Variants in SNTG1 observed in about 807,000 individuals in gnomAD.
SNTG1 encodes the protein gamma-1-syntrophin.
Under a neutral mutation model 74.7 loss-of-function variants are expected in SNTG1, and 39 were observed. The observed-to-expected ratio is 0.52, with a 90% CI of 0.40 to 0.68. SNTG1 has a LOEUF of 0.68. Among genes scored for constraint, SNTG1 ranks in the 30% least tolerant of loss-of-function variants. SNTG1 has a pLI of 0.00. For synonymous variants in SNTG1, 254 were observed against 217.1 expected, an observed-to-expected ratio of 1.17 and a Z score of -1.49; for missense variants, 685 against 609.5, an observed-to-expected ratio of 1.12 and a Z score of -1.30.
rs199839661 is a variant in SNTG1 at position 50,752,134 on chromosome 8, A to G, written c.1395+23A>G. The G allele has an allele frequency of 5.2e-5, 70 of 1,356,832 alleles. No individual in the cohort carries two copies. The East Asian group carries it at 1.8e-3, about 34-fold the overall frequency. 84.0% of individuals were successfully genotyped at this position (1,356,832 alleles called of 1,614,324 possible). A position where few individuals can be genotyped will look rare whatever the true frequency, so the allele number is the denominator to read the frequency against. On this transcript the variant is annotated intron_variant, in intron 18 of 18. Transcript: ENST00000642720. The stretch of plus-strand genomic sequence containing the variant: ...AAGGTAAACCCAAGAAATTCATCAC[A>G]TAACACCTCTAACTACATTAATGCC...
At chr8:50,377,796 A>C (rs989725285) in intron 2 of SNTG1, among the ~76,000 whole-genome samples, 50 of 152,226 alleles carry the variant, frequency 3.3e-4, no homozygotes, top group African/African-American at 1.2e-3. Context: ...ATGAGACTGC[A>C]GTTATTTTGA....
At chr8:50,184,056 G>T (rs1417260593) in intron 2 of SNTG1, among the ~76,000 whole-genome samples, 9 of 145,966 alleles carry the variant, frequency 6.2e-5, no homozygotes, top group Non-Finnish European at 1.2e-4. Flanking sequence ...ACCCGCTTAA[G>T]GACTCTGCTT....
intron 2 of SNTG1, among the ~76,000 whole-genome samples, chr8:50,277,457 A>G (rs1287093956): frequency 6.6e-6 from 1 of 152,184 alleles, no homozygotes; most frequent in Non-Finnish European, 1.5e-5. Context: ...AATATTTGGT[A>G]AATCATTAAA....
chr8:50,359,825 T>C (rs1040728177), intron 2 of SNTG1, among the ~76,000 whole-genome samples: 1 of 152,330 alleles, frequency 6.6e-6, no homozygotes, highest in Non-Finnish European at 1.5e-5. Flanking sequence ...TCTGTTTGCA[T>C]CTTTCAATAC....
At chr8:50,178,325 C>T (rs1189430929) in intron 2 of SNTG1, among the ~76,000 whole-genome samples, 1 of 151,608 alleles carries the variant, frequency 6.6e-6, no homozygotes, top group Non-Finnish European at 1.5e-5. Context: ...TCTTTCCATT[C>T]CTCTTTTTCT....
At chr8:50,771,372 G>T (rs1367485261) in intron 18 of SNTG1, among the ~76,000 whole-genome samples, 1 of 152,070 alleles carries the variant, frequency 6.6e-6, no homozygotes, top group East Asian at 1.9e-4. Flanking sequence ...GTATTTTGTG[G>T]AAGGTCAAAC....
intron 9 of SNTG1, among the ~76,000 whole-genome samples, chr8:50,507,458 C>A (rs774737178): frequency 6.6e-6 from 1 of 151,952 alleles, no homozygotes; most frequent in African/African-American, 2.4e-5. Flanking sequence ...TGGTCATGGG[C>A]CCTTCGTATT....
intron 2 of SNTG1, among the ~76,000 whole-genome samples, chr8:50,336,940 T>C (rs1005992328): frequency 6.6e-6 from 1 of 152,224 alleles, no homozygotes; most frequent in Non-Finnish European, 1.5e-5. Flanking sequence ...AATTTCAGCA[T>C]TATTAAAGAA....
chr8:50,564,117 C>T (rs1051116452), intron 12 of SNTG1, among the ~76,000 whole-genome samples: 5 of 133,576 alleles, frequency 3.7e-5, no homozygotes, highest in African/African-American at 7.4e-5. Flanking sequence ...TGTTGCAGTC[C>T]GTTTTTTTTT....
At position 50,061,086 on chromosome 8, in the gene SNTG1, C is replaced by A. The variant is rs375900676; in HGVS notation, c.-102-111475C>A. Among the ~76,000 whole-genome samples the A allele has an allele frequency of 4.2e-4, 64 of 152,096 alleles. 2 individuals carry two copies. Among genetic ancestry groups the A allele is most frequent in the African/African-American group, 1.5e-3 (64 of 41,544 alleles). On this transcript the variant is annotated intron_variant, in intron 1 of 18. Coordinates refer to ENST00000642720, the MANE Select transcript of SNTG1 (RefSeq NM_018967.5). Reference sequence around the variant, plus strand: ...AAAATGAGTTGGAAAATGATCTCTTCTTTAATTTTATGAAAGGGGCTGTGT... The same window carrying A: ...AAAATGAGTTGGAAAATGATCTCTTATTTAATTTTATGAAAGGGGCTGTGT...
chr8:50,222,874 A>G (rs1308733042), intron 2 of SNTG1, among the ~76,000 whole-genome samples: 6 of 152,166 alleles, frequency 3.9e-5, no homozygotes, highest in Admixed American at 3.9e-4. Context: ...TGAGGCTTTA[A>G]TTTATTTCTG....
chr8:50,601,039 C>T (rs2094769942), intron 13 of SNTG1, among the ~76,000 whole-genome samples: 1 of 149,820 alleles, frequency 6.7e-6, no homozygotes, highest in Non-Finnish European at 1.5e-5. Flanking sequence ...GGCATGGTGG[C>T]ATGCACCTGT....
chr8:50,382,818 G>T (rs879756209), intron 2 of SNTG1, among the ~76,000 whole-genome samples: 6 of 152,146 alleles, frequency 3.9e-5, no homozygotes, highest in Non-Finnish European at 8.8e-5. Context: ...CCCATTTAAA[G>T]AAATTGGCTC....
intron 1 of SNTG1, among the ~76,000 whole-genome samples, chr8:50,079,662 G>A (rs1822221746): frequency 6.6e-6 from 1 of 152,036 alleles, no homozygotes; most frequent in South Asian, 2.1e-4. Flanking sequence ...AAGTGGTATT[G>A]CCTAGGTTTT....
intron 2 of SNTG1, among the ~76,000 whole-genome samples, chr8:50,207,027 C>CT (rs529153706): frequency 2.6e-5 from 4 of 152,026 alleles, no homozygotes; most frequent in African/African-American, 4.8e-5. Context: ...CTAAAATTGT[C>CT]TTTTTTTGTT....
intron 1 of SNTG1, among the ~76,000 whole-genome samples, chr8:49,961,232 G>T (rs938336397): frequency 3.3e-5 from 5 of 152,060 alleles, no homozygotes; most frequent in Admixed American, 2.0e-4. Flanking sequence ...ATTCATTGTT[G>T]TTTGCCAGGC....
chr8:49,952,631 G>A (rs150998805), intron 1 of SNTG1, among the ~76,000 whole-genome samples: 2,105 of 152,308 alleles, frequency 0.014, 25 homozygotes, highest in Middle Eastern at 0.027. Context: ...CTTATCAACA[G>A]CCACCAAAAA....
chr8:50,366,762 G>C (rs1433320267), intron 2 of SNTG1, among the ~76,000 whole-genome samples: 3 of 142,460 alleles, frequency 2.1e-5, no homozygotes, highest in Non-Finnish European at 4.6e-5. Context: ...ATATAATATA[G>C]TATTATTTAA....
intron 8 of SNTG1, among the ~76,000 whole-genome samples, chr8:50,453,998 T>C (rs540524639): frequency 1.3e-5 from 2 of 152,316 alleles, no homozygotes; most frequent in Non-Finnish European, 2.9e-5. Flanking sequence ...TTATTTTCCA[T>C]GTGAACACGT....
Sources: gnomAD v4.1 joint callset for allele counts (sites outside exome capture counted in the v4.1 genomes callset) on GRCh38, gnomAD v4.1.1 for gene constraint, MANE v1.5 for transcripts, NCBI Gene and HGNC (gene_info 2026-07-23, HGNC 2026-07-21) for gene names.